KIAA1217: variants seen among roughly 807,000 people sequenced by gnomAD.
KIAA1217 encodes the protein KIAA1217.
KIAA1217 carries 88 observed loss-of-function variants against 163.9 expected under a neutral mutation model. The ratio of observed to expected loss-of-function variants is 0.54; its 90% CI spans 0.45 to 0.64. The LOEUF is 0.64. Ranked by LOEUF, KIAA1217 falls within the 30% of genes least tolerant of loss-of-function variation. The pLI is 0.00. For missense variants in KIAA1217, 2,372 were observed against 2,475.0 expected (o/e 0.96, Z 0.88); for synonymous variants, 903 against 923.1 (o/e 0.98, Z 0.39).
At chr10:23,937,630 C>G (rs1053863588) in intron 1 of KIAA1217, among the ~76,000 whole-genome samples, 14 of 152,272 alleles carry the variant, frequency 9.2e-5, no homozygotes, top group African/African-American at 3.4e-4. Context: ...CTCCATAGAA[C>G]GGCCCATTAG....
chr10:23,725,657 T>C (rs1262821136), intron 1 of KIAA1217, among the ~76,000 whole-genome samples: 1 of 152,234 alleles, frequency 6.6e-6, no homozygotes, highest in African/African-American at 2.4e-5. Context: ...ATAATTAATG[T>C]CCACTACTGA....
intron 1 of KIAA1217, among the ~76,000 whole-genome samples, chr10:23,763,374 T>C (rs187376687): frequency 8.5e-5 from 13 of 152,310 alleles, no homozygotes; most frequent in Admixed American, 7.8e-4. Flanking sequence ...ACTACAAGGC[T>C]ACAGTAACCA....
intron 1 of KIAA1217, among the ~76,000 whole-genome samples, chr10:23,766,017 A>G (rs1329700038): frequency 6.6e-6 from 1 of 152,258 alleles, no homozygotes; most frequent in African/African-American, 2.4e-5. Flanking sequence ...GCAGAACTTG[A>G]AGGTGATTTG....
intron 1 of KIAA1217, among the ~76,000 whole-genome samples, chr10:23,754,034 C>G (rs1833788686): frequency 6.6e-6 from 1 of 152,146 alleles, no homozygotes; most frequent in Non-Finnish European, 1.5e-5. Flanking sequence ...GGAGTTAACC[C>G]TTTCTTGATT....
intron 2 of KIAA1217, among the ~76,000 whole-genome samples, chr10:24,039,237 C>A (rs1201216923): frequency 6.6e-6 from 1 of 152,120 alleles, no homozygotes; most frequent in Non-Finnish European, 1.5e-5. Context: ...ACTCCACCCC[C>A]ACCCCAGCAG....
Position 24,545,867 on chromosome 10 carries a change from C to T in KIAA1217, c.5375C>T (p.Pro1792Leu), listed in dbSNP as rs993778827. The change falls in exon 21 of 21, where the codon CCT (proline) becomes CTT (leucine). Residue 1792 changes from proline to leucine, a missense_variant. Pro to Leu is a moderately conservative substitution (Grantham distance 98, BLOSUM62 -3). Transcript: ENST00000376454. ...SAKKSGGDFK[P>L]TSPSLPASKI... ...AAGAAATCTGGTGGGGACTTTAAGC[C>T]TACTTCCCCCTCCTTACCTGCTTCT... is the stretch of plus-strand genomic sequence containing the variant. 6 of 1,610,322 alleles carry T rather than the reference C, an allele frequency of 3.7e-6. No individual in the cohort carries two copies. In the African/African-American group the frequency reaches 6.7e-5, roughly 18 times the overall value.
At chr10:24,348,716 G>T (rs1026368098) in intron 2 of KIAA1217, among the ~76,000 whole-genome samples, 1 of 152,134 alleles carries the variant, frequency 6.6e-6, no homozygotes, top group African/African-American at 2.4e-5. Flanking sequence ...TCAAGAATAA[G>T]CAGGCTAAAT....
At chr10:23,743,285 A>G (rs1227149669) in intron 1 of KIAA1217, among the ~76,000 whole-genome samples, 2 of 151,960 alleles carry the variant, frequency 1.3e-5, no homozygotes, top group African/African-American at 4.8e-5. Context: ...TTACCACAGT[A>G]TGATCGGTAA....
chr10:24,545,090 G>C lies in KIAA1217; in HGVS notation c.5321G>C (p.Arg1774Pro). The change falls in exon 20 of 21, where the codon CGC becomes CCC. Residue 1774 changes from arginine to proline, a missense_variant. Physicochemically the swap from Arg to Pro is moderately radical, Grantham distance 103. Transcript: ENST00000376454. The stretch of plus-strand genomic sequence containing the variant: ...AAGCAGTCCAAACTGCAGGATCCCC[G>C]CCAATATCGTCAGGTAGTTTTACCT... The part of the protein sequence containing the change: ...PGKQSKLQDP[R>P]QYRQANGSAK... The C allele has an allele frequency of 6.2e-7, 1 of 1,614,116 alleles. No homozygotes were observed. Among genetic ancestry groups the C allele is most frequent in the Non-Finnish European group, 8.5e-7 (1 of 1,180,010 alleles).
chr10:24,068,311 G>C (rs564504129), intron 2 of KIAA1217, among the ~76,000 whole-genome samples: 36 of 152,172 alleles, frequency 2.4e-4, no homozygotes, highest in Middle Eastern at 3.4e-3. Flanking sequence ...GTATTCTTCA[G>C]CTCCAAGATT....
intron 2 of KIAA1217, among the ~76,000 whole-genome samples, chr10:24,029,080 C>A (rs550775524): frequency 1.3e-5 from 2 of 152,242 alleles, no homozygotes; most frequent in Admixed American, 6.5e-5. Flanking sequence ...TAAATTTATA[C>A]TTCACAGTTT....
chr10:23,963,541 G>T (rs961772527), intron 1 of KIAA1217, among the ~76,000 whole-genome samples: 1 of 152,160 alleles, frequency 6.6e-6, no homozygotes, highest in East Asian at 1.9e-4. Context: ...TTGGTTCCAA[G>T]ACTTTGCTAT....
At chr10:24,383,168 TC>T (rs1292400276) in intron 3 of KIAA1217, among the ~76,000 whole-genome samples, 4 of 152,124 alleles carry the variant, frequency 2.6e-5, no homozygotes, top group Non-Finnish European at 5.9e-5. Context: ...CTTTCTTAAC[TC>T]CACTCACACT....
intron 2 of KIAA1217, among the ~76,000 whole-genome samples, chr10:24,175,783 G>T (rs914210949): frequency 6.6e-6 from 1 of 152,132 alleles, no homozygotes; most frequent in South Asian, 2.1e-4. Context: ...GAGTGTTACA[G>T]TTCTTAAGGT....
intron 1 of KIAA1217, among the ~76,000 whole-genome samples, chr10:23,756,978 T>C (rs1314441986): frequency 6.6e-6 from 1 of 152,228 alleles, no homozygotes; most frequent in Non-Finnish European, 1.5e-5. Context: ...CAGTATTTGT[T>C]TTTCTGTGGC....
At chr10:24,526,242 G>C (rs528075233) in intron 13 of KIAA1217, among the ~76,000 whole-genome samples, 1 of 152,012 alleles carries the variant, frequency 6.6e-6, no homozygotes. Context: ...AGCCACGGTC[G>C]CAGCCTCGGG....
At chr10:23,701,847 A>G (rs959148919) in intron 1 of KIAA1217, among the ~76,000 whole-genome samples, 1 of 152,220 alleles carries the variant, frequency 6.6e-6, no homozygotes, top group African/African-American at 2.4e-5. Flanking sequence ...ATAAATTAGC[A>G]TACTATACAG....
At chr10:24,379,816 C>A (rs143762368) in intron 2 of KIAA1217, among the ~76,000 whole-genome samples, 1,884 of 152,254 alleles carry the variant, frequency 0.012, 38 homozygotes, top group African/African-American at 0.042. Flanking sequence ...CTTTGGGAGG[C>A]TGAGGCAGGT....
At chr10:24,420,445 A>G (rs117695982) in intron 3 of KIAA1217, among the ~76,000 whole-genome samples, 8,816 of 152,070 alleles carry the variant, frequency 0.058, 341 homozygotes, top group Middle Eastern at 0.1. Flanking sequence ...AGTTGTAAAT[A>G]TCTTCTCTCT....
Sources: gnomAD v4.1 joint callset for allele counts (sites outside exome capture counted in the v4.1 genomes callset) on GRCh38, gnomAD v4.1.1 for gene constraint, MANE v1.5 for transcripts, NCBI Gene and HGNC (gene_info 2026-07-23, HGNC 2026-07-21) for gene names.